The following PDE4B variants were observed in gnomAD, a reference collection of about 807,000 sequenced individuals.
PDE4B encodes 3',5'-cyclic-AMP phosphodiesterase 4B.
PDE4B carries 20 observed loss-of-function variants against 82.2 expected under a neutral mutation model. That is an observed-to-expected ratio of 0.24 (90% CI 0.17 to 0.35). PDE4B has a LOEUF of 0.35. PDE4B is among the 10% of genes least tolerant of loss of function. The probability of loss-of-function intolerance (pLI) is 1.00; values close to 1 mark genes in which losing one functional copy is unlikely to be tolerated. For synonymous variants in PDE4B, 320 were observed against 318.9 expected (o/e 1.00, Z -0.04); for missense variants, 655 against 907.2 (o/e 0.72, Z 3.57).
At chr1:66,213,859 T>A (rs1014106860) in intron 3 of PDE4B, among the ~76,000 whole-genome samples, 4 of 152,284 alleles carry the variant, frequency 2.6e-5, no homozygotes, top group Admixed American at 2.0e-4. Context: ...GGAAATATGA[T>A]TACCTGATTA....
chr1:65,942,384 A>T (rs1051366650), intron 3 of PDE4B, among the ~76,000 whole-genome samples: 1 of 151,892 alleles, frequency 6.6e-6, no homozygotes, highest in Non-Finnish European at 1.5e-5. Context: ...AAGAATAAAG[A>T]ATATTTCTTT....
intron 3 of PDE4B, among the ~76,000 whole-genome samples, chr1:66,177,525 T>A (rs1221374847): frequency 6.6e-6 from 1 of 152,230 alleles, no homozygotes; most frequent in Non-Finnish European, 1.5e-5. Flanking sequence ...TTGAGAATAC[T>A]TGTCCTGAAG....
At chr1:66,337,243 A>G (rs922190252) in intron 8 of PDE4B, among the ~76,000 whole-genome samples, 3 of 152,194 alleles carry the variant, frequency 2.0e-5, no homozygotes, top group Admixed American at 1.3e-4. Context: ...CTGTAATCAG[A>G]GGGCCTTAGC....
chr1:65,994,734 G>C (rs1023474482), intron 3 of PDE4B, among the ~76,000 whole-genome samples: 3 of 151,948 alleles, frequency 2.0e-5, no homozygotes, highest in African/African-American at 7.2e-5. Context: ...TAACCAAAAG[G>C]ATATTTAATT....
intron 3 of PDE4B, among the ~76,000 whole-genome samples, chr1:66,133,926 C>A (rs1325252912): frequency 1.3e-5 from 2 of 152,198 alleles, no homozygotes; most frequent in East Asian, 3.9e-4. Context: ...TATTTCTCCC[C>A]TGGGAGACAA....
chr1:65,834,559 A>G (rs1389513283), intron 1 of PDE4B, among the ~76,000 whole-genome samples: 2 of 152,216 alleles, frequency 1.3e-5, no homozygotes, highest in Non-Finnish European at 2.9e-5. Context: ...CTGAGCCTCT[A>G]CCATGTGCCA....
intron 3 of PDE4B, among the ~76,000 whole-genome samples, chr1:66,106,704 A>C (rs966884562): frequency 1.3e-5 from 2 of 152,010 alleles, no homozygotes; most frequent in Admixed American, 1.3e-4. Context: ...CATTTCTTCT[A>C]GATTTTCTAG....
intron 1 of PDE4B, among the ~76,000 whole-genome samples, chr1:65,884,490 T>C (rs1313075262): frequency 6.6e-6 from 1 of 152,136 alleles, no homozygotes; most frequent in Non-Finnish European, 1.5e-5. Context: ...CAAAACAGCA[T>C]GGTACTGGTA....
intron 3 of PDE4B, among the ~76,000 whole-genome samples, chr1:66,241,225 T>C (rs1652863673): frequency 6.6e-6 from 1 of 152,246 alleles, no homozygotes; most frequent in African/African-American, 2.4e-5. Context: ...TCTGCCTGCC[T>C]TCGTCTAGGT....
At chr1:66,312,567 A>G (rs6672140) in intron 7 of PDE4B, among the ~76,000 whole-genome samples, 1,698 of 152,330 alleles carry the variant, frequency 0.011, 35 homozygotes, top group African/African-American at 0.039. Context: ...AGCCAGAATA[A>G]TCTCCTTATT....
intron 3 of PDE4B, among the ~76,000 whole-genome samples, chr1:66,075,765 C>T (rs1656397706): frequency 6.6e-6 from 1 of 152,012 alleles, no homozygotes; most frequent in Non-Finnish European, 1.5e-5. Flanking sequence ...TGAACTTTGG[C>T]TCATGCTCAT....
intron 3 of PDE4B, among the ~76,000 whole-genome samples, chr1:66,078,994 A>C (rs531888290): frequency 6.6e-6 from 1 of 152,276 alleles, no homozygotes; most frequent in Admixed American, 6.5e-5. Flanking sequence ...ATACATGTAG[A>C]TATAATGAAT....
At chr1:65,882,422 G>A (rs929468531) in intron 1 of PDE4B, among the ~76,000 whole-genome samples, 2 of 152,066 alleles carry the variant, frequency 1.3e-5, no homozygotes, top group African/African-American at 2.4e-5. Flanking sequence ...ATAATACCTA[G>A]CAAATAACTA....
intron 7 of PDE4B, among the ~76,000 whole-genome samples, chr1:66,266,469 G>C (rs950772957): frequency 6.6e-6 from 1 of 152,102 alleles, no homozygotes; most frequent in African/African-American, 2.4e-5. Context: ...TTCGCCTGAG[G>C]GCCCCTGCGG....
chr1:65,890,383 G>A (rs959271886), intron 1 of PDE4B, among the ~76,000 whole-genome samples: 10 of 151,920 alleles, frequency 6.6e-5, no homozygotes, highest in African/African-American at 2.4e-4. Context: ...TAGAAACTGG[G>A]GAATTCTGGA....
At chr1:66,200,610 T>C (rs1369758403) in intron 3 of PDE4B, among the ~76,000 whole-genome samples, 1 of 152,168 alleles carries the variant, frequency 6.6e-6, no homozygotes, top group Non-Finnish European at 1.5e-5. Flanking sequence ...TTGAAGCAAT[T>C]GTGAATGGGA....
chr1:65,939,053 G>A (rs1031942916), intron 3 of PDE4B, among the ~76,000 whole-genome samples: 3 of 152,128 alleles, frequency 2.0e-5, no homozygotes, highest in Non-Finnish European at 4.4e-5. Flanking sequence ...ATGGTTAGAG[G>A]AGGACATGTG....
chr1:66,344,514 T>C (rs584861), intron 8 of PDE4B, among the ~76,000 whole-genome samples: 104,012 of 152,054 alleles, frequency 0.68, 36,274 homozygotes, highest in East Asian at 0.89. Context: ...TTGTCTAATG[T>C]TGTCTGCCAT....
chr1:66,141,327 A>AACATAT (rs1553150883), intron 3 of PDE4B, among the ~76,000 whole-genome samples: 2 of 91,482 alleles, frequency 2.2e-5, no homozygotes, highest in African/African-American at 1.1e-4. Context: ...AAGCTTTGAG[A>AACATAT]ATATATATAT....
Sources: gnomAD v4.1 joint callset for allele counts (sites outside exome capture counted in the v4.1 genomes callset) on GRCh38, gnomAD v4.1.1 for gene constraint, MANE v1.5 for transcripts, NCBI Gene and HGNC (gene_info 2026-07-23, HGNC 2026-07-21) for gene names.